C1QTNF2: variants seen among roughly 807,000 people sequenced by gnomAD.
C1QTNF2 encodes C1q and TNF related 2.
In C1QTNF2, 15 loss-of-function variants were observed where a neutral mutation model predicts 17.4. That is an observed-to-expected ratio of 0.86 (90% confidence interval 0.58 to 1.33). C1QTNF2 has a LOEUF of 1.33. Among genes scored for constraint, C1QTNF2 ranks in the 40% most tolerant of loss-of-function variants. The pLI is 0.00. For synonymous variants in C1QTNF2, 154 were observed against 163.3 expected (o/e 0.94, Z 0.44); for missense variants, 381 against 392.3 (o/e 0.97, Z 0.24).
At chr5:160,353,788 CTTTTTTTTTTTTTTTTTT>C (rs200777932) in intron 2 of C1QTNF2, among the ~76,000 whole-genome samples, 14 of 85,974 alleles carry the variant, frequency 1.6e-4, no homozygotes, top group Admixed American at 1.3e-3. Context: ...ACTTCTCAGG[CTTTTTTTTTTTTTTTTTT>C]TTTTTTTTTT....
At chr5:160,359,960 C>A (rs1233019252) in intron 1 of C1QTNF2, among the ~76,000 whole-genome samples, 3 of 151,822 alleles carry the variant, frequency 2.0e-5, no homozygotes. Flanking sequence ...ACCCCCCCTA[C>A]CTTTTCTAGG....
intron 2 of C1QTNF2, among the ~76,000 whole-genome samples, chr5:160,352,706 T>C (rs1416940065): frequency 6.6e-6 from 1 of 152,206 alleles, no homozygotes; most frequent in African/African-American, 2.4e-5. Flanking sequence ...GTCAGGAAAT[T>C]GGATATCATG....
At chr5:160,365,862 G>C (rs1764239118) in intron 1 of C1QTNF2, among the ~76,000 whole-genome samples, 1 of 152,242 alleles carries the variant, frequency 6.6e-6, no homozygotes, top group South Asian at 2.1e-4. Context: ...ATTGTAAATT[G>C]TAAACTGTAT....
chr5:160,360,204 G>T (rs1764128105), intron 1 of C1QTNF2, among the ~76,000 whole-genome samples: 1 of 152,134 alleles, frequency 6.6e-6, no homozygotes. Context: ...TTACTTGGTT[G>T]CCTCCCCCAT....
intron 1 of C1QTNF2, among the ~76,000 whole-genome samples, chr5:160,360,796 CTT>C (rs5872641): frequency 8.9e-4 from 122 of 136,378 alleles, no homozygotes; most frequent in African/African-American, 2.0e-3. Flanking sequence ...TGGATGAGTT[CTT>C]TTTTTTTTTT....
In C1QTNF2 at chr5:160,370,579, C is replaced by G. The variant is rs1438940179; in HGVS notation, c.-77G>C. ...AAGCTCTCGGCGGGGCTCCGCGTCC[C>G]GGCTTTCCTCAGCGGCAGCAGCCGG... On this transcript the variant is annotated 5_prime_UTR_variant, in exon 1 of 3. Transcript: ENST00000652664. The G allele has an allele frequency of 6.9e-7, 1 of 1,451,994 alleles. No individual in the cohort carries two copies. The highest frequency in any genetic ancestry group is 9.0e-7 in the Non-Finnish European group (1 of 1,109,860). The allele number at this position is 1,451,994 out of a possible 1,614,324, so 89.9% of individuals were successfully genotyped here.
At position 160,349,766 on chromosome 5, in the gene C1QTNF2, G is replaced by A; in HGVS notation, c.260C>T (p.Thr87Ile). 1 of 1,524,812 alleles carries A rather than the reference G, an allele frequency of 6.6e-7. No homozygotes were observed. The allele number at this position is 1,524,812 out of a possible 1,614,324, so 94.5% of individuals were successfully genotyped here. A position where few individuals can be genotyped will look rare whatever the true frequency, so the allele number is the denominator to read the frequency against. The stretch of plus-strand genomic sequence containing the variant: ...TGGTCCTGGCTTTCCCCGGTTACCT[G>A]TCCGGCCAGGTGGACCTGGAAGACA... The part of the protein sequence containing the change: ...DSGEEGPPGR[T>I]GNRGKPGPKG... Residue 87 changes from threonine (T) to isoleucine (I), a missense_variant, in exon 3 of 3, where the codon ACA (threonine) becomes ATA (isoleucine). Transcript: ENST00000652664. This position sits in a 1 kb window ranked among gnomAD's most constrained non-coding sequence, Gnocchi z 4.3.
At chr5:160,366,980 T>C (rs1764258243) in intron 1 of C1QTNF2, among the ~76,000 whole-genome samples, 1 of 142,460 alleles carries the variant, frequency 7.0e-6, no homozygotes, top group African/African-American at 2.7e-5. Flanking sequence ...ACAGAGATTG[T>C]GCCGCTGCAC....
intron 2 of C1QTNF2, among the ~76,000 whole-genome samples, chr5:160,353,260 C>A (rs1417943715): frequency 1.3e-5 from 2 of 152,150 alleles, no homozygotes; most frequent in Non-Finnish European, 2.9e-5. Flanking sequence ...TATTATATTT[C>A]TCTACTGCTT....
chr5:160,360,803 T>TC (rs2113526190), intron 1 of C1QTNF2, among the ~76,000 whole-genome samples: 1 of 151,494 alleles, frequency 6.6e-6, no homozygotes, highest in East Asian at 1.9e-4. Flanking sequence ...GTTCTTTTTT[T>TC]TTTTTTTTTT....
chr5:160,352,897 C>A (rs1763952451), intron 2 of C1QTNF2, among the ~76,000 whole-genome samples: 1 of 152,156 alleles, frequency 6.6e-6, no homozygotes, highest in African/African-American at 2.4e-5. Flanking sequence ...TTACAGGGTG[C>A]CTAACATTTA....
intron 1 of C1QTNF2, chr5:160,355,423 G>A (rs1581035048): frequency 9.3e-6 from 2 of 215,516 alleles, no homozygotes; most frequent in African/African-American, 2.3e-5. Context: ...CAAGGGTAAT[G>A]TTTGAATTGT....
chr5:160,364,541 G>C lies in C1QTNF2; in HGVS notation c.-10+5971C>G, dbSNP rs1764212799. Among the ~76,000 whole-genome samples, 3 of 152,258 alleles carry C rather than the reference G, an allele frequency of 2.0e-5. No homozygotes were observed. The South Asian group carries it at 6.2e-4, about 32-fold the overall frequency. Reference sequence around the variant, plus strand: ...TTGAATGTAATGATACGAGTTTTAAGACCTTGTTTAAAATTGTAATTGCCA... The same window carrying C: ...TTGAATGTAATGATACGAGTTTTAACACCTTGTTTAAAATTGTAATTGCCA... On this transcript the variant is annotated intron_variant, in intron 1 of 2. Transcript: ENST00000652664.
chr5:160,368,189 G>A (rs1387469726), intron 1 of C1QTNF2, among the ~76,000 whole-genome samples: 1 of 152,054 alleles, frequency 6.6e-6, no homozygotes, highest in Non-Finnish European at 1.5e-5. Flanking sequence ...CAAATCCAGG[G>A]GAAGGTTATT....
intron 1 of C1QTNF2, among the ~76,000 whole-genome samples, chr5:160,363,826 A>C (rs115573071): frequency 2.0e-5 from 3 of 152,296 alleles, no homozygotes; most frequent in African/African-American, 7.2e-5. Context: ...GAGACCAAGG[A>C]CTGCCATGGG....
chr5:160,355,930 T>C (rs1764041415), intron 1 of C1QTNF2, among the ~76,000 whole-genome samples: 1 of 152,192 alleles, frequency 6.6e-6, no homozygotes, highest in African/African-American at 2.4e-5. Context: ...CATCATGCGA[T>C]GAGTAGATGG....
chr5:160,366,599 G>T (rs1251046816), intron 1 of C1QTNF2, among the ~76,000 whole-genome samples: 1 of 152,218 alleles, frequency 6.6e-6, no homozygotes, highest in Non-Finnish European at 1.5e-5. Context: ...AGTTATAATG[G>T]CTGATGCAAT....
chr5:160,357,379 C>T (rs1016236012), intron 1 of C1QTNF2, among the ~76,000 whole-genome samples: 1 of 152,206 alleles, frequency 6.6e-6, no homozygotes, highest in African/African-American at 2.4e-5. Flanking sequence ...TCTGATGTCA[C>T]ACTTGCTCAA....
rs1764339719 is a variant in C1QTNF2, at chr5:160,370,618, C to T, written c.-116G>A. The T allele has an allele frequency of 6.9e-7, 1 of 1,446,698 alleles. No individual in the cohort carries two copies. The highest frequency in any genetic ancestry group is 9.1e-7 in the Non-Finnish European group (1 of 1,102,504). The allele number at this position is 1,446,698 out of a possible 1,614,324, so 89.6% of individuals were successfully genotyped here. A position where few individuals can be genotyped will look rare whatever the true frequency, so the allele number is the denominator to read the frequency against. ...GGCAGCAGCCGGGCAGAGCGTCGGC[C>T]CCAGGCATAGTTTTCCCATCCCGTC... On this transcript the variant is annotated 5_prime_UTR_variant, in exon 1 of 3. Coordinates refer to ENST00000652664, the MANE Select transcript of C1QTNF2 (RefSeq NM_031908.6).
Sources: gnomAD v4.1 joint callset for allele counts (sites outside exome capture counted in the v4.1 genomes callset) on GRCh38, gnomAD v4.1.1 for gene constraint, Gnocchi (gnomAD v3.1) non-coding constraint, MANE v1.5 for transcripts, NCBI Gene and HGNC (gene_info 2026-07-23, HGNC 2026-07-21) for gene names.